Variants in CIITA observed in about 807,000 individuals in gnomAD.
CIITA encodes the protein class II major histocompatibility complex transactivator, also known as MHC class II transactivator.
Under a neutral mutation model 115.1 loss-of-function variants are expected in CIITA, and 72 were observed. The observed-to-expected ratio is 0.63, with a 90% CI of 0.52 to 0.76. The LOEUF (loss-of-function observed/expected upper bound fraction) is 0.76, where lower values mean the gene tolerates loss of function less well. Ranked by LOEUF, CIITA falls within the 30% of genes least tolerant of loss-of-function variation. The pLI is 0.00. For synonymous variants in CIITA, 763 were observed against 635.6 expected, an observed-to-expected ratio of 1.20 and a Z score of -3.02; for missense variants, 1,617 against 1,463.8, an observed-to-expected ratio of 1.10 and a Z score of -1.71.
At chr16:10,891,597 A>G (rs1596481382) in intron 1 of CIITA, among the ~76,000 whole-genome samples, 1 of 152,298 alleles carries the variant, frequency 6.6e-6, no homozygotes, top group South Asian at 2.1e-4. Context: ...CACTGCCTCA[A>G]AGAGGAGGCA....
rs919087827 is a variant in CIITA at position 10,907,455 on chromosome 16, G to C, written c.1963G>C (p.Gly655Arg). The change falls in exon 11 of 20, where the codon GGG becomes CGG. Residue 655 changes from glycine to arginine, a missense_variant. By Grantham distance (125) the Gly-to-Arg change is moderately radical. Transcript: ENST00000324288. The surrounding 1 kb of genome is among the most constrained non-coding windows in gnomAD (Gnocchi z 5.0). The part of the protein sequence containing the change: ...LGRAALDSPP[G>R]ALAELAKLAW... ...CCGTGCAGCCCTCGACAGCCCCCCC[G>C]GGGCCCTGGCAGAGCTGGCCAAGCT... is the stretch of plus-strand genomic sequence containing the variant. 3 of 1,613,224 alleles carry C rather than the reference G, an allele frequency of 1.9e-6. No individual in the cohort carries two copies. The highest frequency in any genetic ancestry group is 1.3e-5 in the African/African-American group (1 of 75,028).
In CIITA at chr16:10,898,254, C is replaced by G. The variant is rs137882490; in HGVS notation, c.296-416C>G. Among the ~76,000 whole-genome samples, 27 of 152,206 alleles carry G rather than the reference C, an allele frequency of 1.8e-4. No homozygotes were observed. The East Asian group carries it at 5.0e-3, about 28-fold the overall frequency. On this transcript the variant is annotated intron_variant, in intron 3 of 19. Transcript: ENST00000324288. ...GTTGGATGCTCTAGATGTAGAACCT[C>G]TAATTATCACCATCGATTCCTGGGT...
In CIITA at chr16:10,869,274, T is replaced by C. The variant is rs117885095; in HGVS notation, c.-21+2955T>C. 2.6e-5 allele frequency among the ~76,000 whole-genome samples: 4 copies of C among 152,332 alleles called. No homozygotes were observed. The East Asian group carries it at 7.7e-4, about 29-fold the overall frequency. On this transcript the variant is annotated intron_variant, in intron 1 of 5. Transcript: ENST00000636238. ...CCCCTACTCCTGTCTGCCTTGTTCATCTACTCCAGCCATGTTGGCACCCTC... is the reference window on the plus strand; with the variant it reads ...CCCCTACTCCTGTCTGCCTTGTTCACCTACTCCAGCCATGTTGGCACCCTC...
Position 10,941,451 on chromosome 16 carries a change from T to C in CIITA, n.577T>C, listed in dbSNP as rs1451574940. The stretch of plus-strand genomic sequence containing the variant: ...GCCATTCCTGGCATCCAGTTAGACC[T>C]GGAGGAGGTGAACGGAGGAGAAGCC... On this transcript the variant is annotated non_coding_transcript_exon_variant, in exon 2 of 2. Coordinates refer to the CIITA transcript ENST00000573379. The surrounding 1 kb of genome is among the most constrained non-coding windows in gnomAD (Gnocchi z 6.4). 1.9e-6 allele frequency: 2 copies of C among 1,057,206 alleles called. No homozygotes were observed. Among genetic ancestry groups the C allele is most frequent in the Non-Finnish European group, 2.5e-6 (2 of 808,314 alleles). The allele number at this position is 1,057,206 out of a possible 1,614,324, so 65.5% of individuals were successfully genotyped here.
At chr16:10,919,472 A>T (rs971394609) in intron 16 of CIITA, among the ~76,000 whole-genome samples, 25 of 152,120 alleles carry the variant, frequency 1.6e-4, no homozygotes, top group African/African-American at 5.1e-4. Context: ...GAGTACTAGG[A>T]TTACAGGCGT....
intron 1 of CIITA, among the ~76,000 whole-genome samples, chr16:10,887,091 G>A (rs2037026005): frequency 1.3e-5 from 2 of 152,166 alleles, no homozygotes; most frequent in Non-Finnish European, 2.9e-5. Context: ...CAGGGTGCAT[G>A]AGCAAAAGCG....
At chr16:10,911,305 T>G (rs2039553632) in intron 13 of CIITA, among the ~76,000 whole-genome samples, 1 of 133,210 alleles carries the variant, frequency 7.5e-6, no homozygotes, top group African/African-American at 2.8e-5. Context: ...CTTCCCTCCC[T>G]CCCTCCTTCC....
At chr16:10,897,258 G>A (rs971714258) in intron 3 of CIITA, among the ~76,000 whole-genome samples, 5 of 152,230 alleles carry the variant, frequency 3.3e-5, no homozygotes, top group African/African-American at 1.2e-4. Context: ...ACTCTCTGCA[G>A]AGTCCCAAGG....
At chr16:10,914,850 A>G (rs1436655525) in intron 13 of CIITA, among the ~76,000 whole-genome samples, 1 of 152,184 alleles carries the variant, frequency 6.6e-6, no homozygotes, top group Non-Finnish European at 1.5e-5. Context: ...TTTGTTATTA[A>G]AATGCAAAGG....
rs1226856347 is a variant in CIITA, at chr16:10,941,468, G to A, written n.594G>A. 1 of 1,202,610 alleles carries A rather than the reference G, an allele frequency of 8.3e-7. No homozygotes were observed. Among genetic ancestry groups the A allele is most frequent in the Non-Finnish European group, 1.1e-6 (1 of 927,136 alleles). 74.5% of individuals were successfully genotyped at this position (1,202,610 alleles called of 1,614,324 possible). On this transcript the variant is annotated non_coding_transcript_exon_variant, in exon 2 of 2. Coordinates refer to the CIITA transcript ENST00000573379. This position sits in a 1 kb window ranked among gnomAD's most constrained non-coding sequence, Gnocchi z 6.4. The stretch of plus-strand genomic sequence containing the variant: ...GTTAGACCTGGAGGAGGTGAACGGA[G>A]GAGAAGCCTGAGGGAGGGGTGTGTA...
intron 1 of CIITA, among the ~76,000 whole-genome samples, chr16:10,889,220 G>C (rs2037283668): frequency 6.6e-6 from 1 of 152,182 alleles, no homozygotes; most frequent in African/African-American, 2.4e-5. Context: ...TGGCAATGTG[G>C]TTTGGAGAAA....
chr16:10,894,115 G>C (rs765760488), intron 1 of CIITA, among the ~76,000 whole-genome samples: 7 of 152,154 alleles, frequency 4.6e-5, no homozygotes, highest in African/African-American at 1.4e-4. Context: ...GCCTCCCAAA[G>C]TGCTGGGATT....
rs1325985993 is a variant in CIITA, at chr16:10,930,648, G to A, written c.*6793G>A. The A allele has an allele frequency of 6.6e-6, 1 of 152,206 alleles. No homozygotes were observed. Among genetic ancestry groups the A allele is most frequent in the Non-Finnish European group, 1.5e-5 (1 of 68,036 alleles). 9.4% of individuals were successfully genotyped at this position (152,206 alleles called of 1,614,324 possible). ...CTGGCTTGGTAATAACGATGGAAAC[G>A]GTCTGAATGAGAGCAGGTACCATTT... On this transcript the variant is annotated 3_prime_UTR_variant, in exon 20 of 20. Transcript: ENST00000324288.
intron 11 of CIITA, 129 bp from the exon 12 acceptor site, chr16:10,908,900 C>T (rs1183738516): frequency 2.7e-5 from 37 of 1,357,768 alleles, no homozygotes; most frequent in Non-Finnish European, 3.7e-5. Flanking sequence ...GGAAGGCTTT[C>T]TGGGAAAGGT....
chr16:10,941,742 G>A lies in CIITA; in HGVS notation n.868G>A, dbSNP rs775119065. 1.6e-5 allele frequency: 25 copies of A among 1,611,566 alleles called. No individual in the cohort carries two copies. Among genetic ancestry groups the A allele is most frequent in the Non-Finnish European group, 2.0e-5 (24 of 1,178,754 alleles). On this transcript the variant is annotated non_coding_transcript_exon_variant, in exon 2 of 2. Coordinates refer to the CIITA transcript ENST00000573379. This position sits in a 1 kb window ranked among gnomAD's most constrained non-coding sequence, Gnocchi z 6.4. ...CCTACTCCAAGTACGCATCAAAGAC[G>A]TCGAGCTCCGAGTCAGCATCGTAAA...
In CIITA at chr16:10,935,347, T is replaced by C. The variant is rs940885524; in HGVS notation, c.*11492T>C. The C allele has an allele frequency of 3.9e-5, 6 of 152,256 alleles. No homozygotes were observed. The highest frequency in any genetic ancestry group is 6.5e-5 in the Admixed American group (1 of 15,284). The allele number at this position is 152,256 out of a possible 1,614,324, so 9.4% of individuals were successfully genotyped here. A position where few individuals can be genotyped will look rare whatever the true frequency, so the allele number is the denominator to read the frequency against. On this transcript the variant is annotated 3_prime_UTR_variant, in exon 20 of 20. Transcript: ENST00000324288. Reference sequence around the variant, plus strand: ...TTCAGTTTGGTGCTGGTATATCTTATGTTTATCACCCGACAGTTGTTAATC... The same window carrying C: ...TTCAGTTTGGTGCTGGTATATCTTACGTTTATCACCCGACAGTTGTTAATC...
At position 10,901,488 on chromosome 16, in the gene CIITA, C is replaced by A. The variant is rs779844104; in HGVS notation, c.437-26C>A. ...GGCTTGGGACATCCTCTCCCTGGGGCAGCTGATCACATGTTTTCTCTGCAG... is the reference window on the plus strand; with the variant it reads ...GGCTTGGGACATCCTCTCCCTGGGGAAGCTGATCACATGTTTTCTCTGCAG... On this transcript the variant is annotated intron_variant, in intron 5 of 19. Transcript: ENST00000324288. This position sits in a 1 kb window ranked among gnomAD's most constrained non-coding sequence, Gnocchi z 6.8. 20 of 1,613,772 alleles carry A rather than the reference C, an allele frequency of 1.2e-5. No individual in the cohort carries two copies. The highest frequency in any genetic ancestry group is 1.0e-4 in the Admixed American group (6 of 59,986).
At chr16:10,899,078 G>GA in intron 5 of CIITA, 76 bp downstream of exon 5, 3 of 1,432,474 alleles carry the variant, frequency 2.1e-6, no homozygotes, top group Non-Finnish European at 2.9e-6. Context: ...GCCTGCTGTG[G>GA]GTCCAACTTG....
At position 10,902,066 on chromosome 16, in the gene CIITA, T is replaced by C. The variant is rs748253943; in HGVS notation, c.510T>C (p.Ser170=). Residue 170 remains serine (S), a synonymous_variant, in exon 7 of 20, where the codon AGT becomes AGC. Transcript: ENST00000324288. ...PAEPPTVVTG[S]LLVGPVSDCS... is the part of the protein sequence containing the mutation. ...AGCCCCCCACTGTGGTGACTGGCAG[T>C]CTCCTAGTGGGACCAGTGAGCGACT... 3 of 1,613,958 alleles carry C rather than the reference T, an allele frequency of 1.9e-6. No homozygotes were observed. The East Asian group carries it at 6.7e-5, about 36-fold the overall frequency.
Sources: allele counts gnomAD v4.1 joint callset (sites outside exome capture counted in the v4.1 genomes callset), GRCh38; gene constraint gnomAD v4.1.1; non-coding constraint Gnocchi (gnomAD v3.1); transcripts MANE v1.5; gene names NCBI Gene and HGNC (gene_info 2026-07-23, HGNC 2026-07-21).